The following RBFOX3 variants were observed in gnomAD, a reference collection of about 807,000 sequenced individuals.
The protein encoded by RBFOX3 is RNA binding fox-1 homolog 3.
In RBFOX3, 17 loss-of-function variants were observed where a neutral mutation model predicts 48.7. The observed-to-expected ratio is 0.35, with a 90% CI of 0.24 to 0.52. The LOEUF is 0.52. Ranked by LOEUF, RBFOX3 falls within the 20% of genes least tolerant of loss-of-function variation. The pLI, the probability that RBFOX3 is intolerant of heterozygous loss-of-function variation, is 0.94. For missense variants in RBFOX3, 382 were observed against 497.5 expected, an observed-to-expected ratio of 0.77 and a Z score of 2.21; for synonymous variants, 212 against 209.5, an observed-to-expected ratio of 1.01 and a Z score of -0.10.
At chr17:79,653,924 C>T in the RBFOX3 span, among the ~76,000 whole-genome samples, 2 of 138,006 alleles carry the variant, frequency 1.4e-5, no homozygotes, top group Admixed American at 1.4e-4. Flanking sequence ...TTTTTAAAAA[C>T]TCATAAAAAT....
intron 2 of RBFOX3, among the ~76,000 whole-genome samples, chr17:79,431,420 T>C (rs901964492): frequency 6.6e-6 from 1 of 151,802 alleles, no homozygotes; most frequent in Middle Eastern, 3.2e-3. Context: ...TTCAAACGAT[T>C]CTCCTGCCTC....
chr17:79,587,744 G>T (rs1568435808), intron 1 of RBFOX3, among the ~76,000 whole-genome samples: 1 of 152,216 alleles, frequency 6.6e-6, no homozygotes, highest in Non-Finnish European at 1.5e-5. Flanking sequence ...CTTGATCGAG[G>T]TCCCACTTGG....
At chr17:79,287,586 G>A (rs1352984204) in intron 3 of RBFOX3, among the ~76,000 whole-genome samples, 3 of 152,334 alleles carry the variant, frequency 2.0e-5, no homozygotes, top group African/African-American at 7.2e-5. Flanking sequence ...CCACTGATGT[G>A]AGACCGGCCA....
intron 3 of RBFOX3, among the ~76,000 whole-genome samples, chr17:79,238,433 A>T (rs1251388137): frequency 6.6e-6 from 1 of 152,194 alleles, no homozygotes; most frequent in Non-Finnish European, 1.5e-5. Flanking sequence ...GAGAAGGTGA[A>T]GCAGGACTAA....
the RBFOX3 span, among the ~76,000 whole-genome samples, chr17:79,630,928 G>A: frequency 1.3e-4 from 20 of 152,234 alleles, no homozygotes; most frequent in Admixed American, 5.9e-4. Flanking sequence ...CAAGCAACCC[G>A]GAAAAGCACG....
chr17:79,403,050 G>A (rs2063018005), intron 2 of RBFOX3, among the ~76,000 whole-genome samples: 1 of 152,128 alleles, frequency 6.6e-6, no homozygotes, highest in Non-Finnish European at 1.5e-5. Context: ...ACTAACCCCT[G>A]GACCTTTTCT....
intron 1 of RBFOX3, among the ~76,000 whole-genome samples, chr17:79,510,210 C>A (rs1406237657): frequency 1.3e-5 from 2 of 152,176 alleles, no homozygotes; most frequent in Non-Finnish European, 1.5e-5. Context: ...GGAAAAGCCA[C>A]CAGCCCTTCC....
rs1034728558 is a variant in RBFOX3 at position 79,090,150 on chromosome 17, G to A, written c.*733C>T. ...CAGGGCCCACTTGGCCACACTTGGAGGTGTGAGGAGTGGCTCCTGGCTGGC... is the reference window on the plus strand; with the variant it reads ...CAGGGCCCACTTGGCCACACTTGGAAGTGTGAGGAGTGGCTCCTGGCTGGC... On this transcript the variant is annotated 3_prime_UTR_variant, in exon 15 of 15. Transcript: ENST00000693108. 7 of 152,370 alleles carry A rather than the reference G, an allele frequency of 4.6e-5. No homozygotes were observed. Among genetic ancestry groups the A allele is most frequent in the African/African-American group, 1.7e-4 (7 of 41,452 alleles). The allele number at this position is 152,370 out of a possible 1,614,324, so 9.4% of individuals were successfully genotyped here. A position where few individuals can be genotyped will look rare whatever the true frequency, so the allele number is the denominator to read the frequency against.
At chr17:79,271,295 C>T (rs1975866) in intron 3 of RBFOX3, among the ~76,000 whole-genome samples, 95,942 of 151,564 alleles carry the variant, frequency 0.63, 30,667 homozygotes, top group East Asian at 0.8. Context: ...AGGCTGGTCT[C>T]GAATTCCTGA....
intron 1 of RBFOX3, among the ~76,000 whole-genome samples, chr17:79,494,141 G>A (rs1890983377): frequency 6.6e-6 from 1 of 152,124 alleles, no homozygotes; most frequent in Non-Finnish European, 1.5e-5. Context: ...TTAAAATGAG[G>A]GCTTCTTTAG....
intron 2 of RBFOX3, among the ~76,000 whole-genome samples, chr17:79,323,747 C>T (rs1017719066): frequency 1.3e-5 from 2 of 152,214 alleles, no homozygotes; most frequent in Non-Finnish European, 2.9e-5. Context: ...CGAGAGCTGG[C>T]GAGAGAGGCA....
At chr17:79,122,183 T>C (rs540442736) in intron 4 of RBFOX3, among the ~76,000 whole-genome samples, 80 of 152,258 alleles carry the variant, frequency 5.3e-4, no homozygotes, top group African/African-American at 1.8e-3. Context: ...TGGCTCCGCC[T>C]CCAGCCGCCC....
chr17:79,369,001 G>A (rs1253731144), intron 2 of RBFOX3, among the ~76,000 whole-genome samples: 5 of 152,092 alleles, frequency 3.3e-5, no homozygotes, highest in African/African-American at 9.7e-5. Context: ...GCTCACCGCC[G>A]CCTGCTATCC....
chr17:79,092,201 C>G, intron 14 of RBFOX3: 2 of 985,478 alleles, frequency 2.0e-6, no homozygotes, highest in Non-Finnish European at 2.4e-6. Flanking sequence ...GCCTGGGAGG[C>G]CAGGAAATGT....
In RBFOX3 at chr17:79,418,552, T is replaced by C. The variant is rs1305303823; in HGVS notation, c.-175+63902A>G. Among the ~76,000 whole-genome samples the C allele has an allele frequency of 1.3e-5, 2 of 152,100 alleles. No individual in the cohort carries two copies. The highest frequency in any genetic ancestry group is 1.3e-4 in the Admixed American group (2 of 15,286). On this transcript the variant is annotated intron_variant, in intron 2 of 14. Transcript: ENST00000693108. This position sits in a 1 kb window ranked among gnomAD's most constrained non-coding sequence, Gnocchi z 5.0. ...ACATAGATGCCCAGACATGTGAAGG[T>C]GGTCAGTCGTGGGGCCAAGTCTCAG...
intron 3 of RBFOX3, among the ~76,000 whole-genome samples, chr17:79,266,092 C>G (rs1222839001): frequency 6.6e-6 from 1 of 152,268 alleles, no homozygotes; most frequent in African/African-American, 2.4e-5. Flanking sequence ...CCGCCCCTCT[C>G]AGCCTTCTCT....
intron 4 of RBFOX3, among the ~76,000 whole-genome samples, chr17:79,177,263 T>C (rs573821080): frequency 6.6e-6 from 1 of 151,158 alleles, no homozygotes; most frequent in Admixed American, 6.5e-5. Context: ...TTAAGCCACC[T>C]TTGGGTTGTG....
chr17:79,178,581 A>T (rs2051133804), intron 4 of RBFOX3, among the ~76,000 whole-genome samples: 1 of 152,200 alleles, frequency 6.6e-6, no homozygotes, highest in Non-Finnish European at 1.5e-5. Flanking sequence ...TCTCCAACTG[A>T]AAACATGCAT....
At chr17:79,419,747 AAT>A (rs2065936138) in intron 2 of RBFOX3, among the ~76,000 whole-genome samples, 1 of 152,200 alleles carries the variant, frequency 6.6e-6, no homozygotes, top group Admixed American at 6.5e-5. Context: ...GCACCAATGA[AAT>A]CAAAGGCAGG....
Sources: allele counts gnomAD v4.1 joint callset (sites outside exome capture counted in the v4.1 genomes callset), GRCh38; gene constraint gnomAD v4.1.1; non-coding constraint Gnocchi (gnomAD v3.1); transcripts MANE v1.5; gene names NCBI Gene and HGNC (gene_info 2026-07-23, HGNC 2026-07-21).